The following ZFPM2 variants were observed in gnomAD, a reference collection of about 807,000 sequenced individuals.
The protein encoded by ZFPM2 is zinc finger protein ZFPM2.
ZFPM2 carries 20 observed loss-of-function variants against 98.6 expected under a neutral mutation model. That is an observed-to-expected ratio of 0.20 (90% CI 0.14 to 0.29). ZFPM2 has a LOEUF of 0.29. ZFPM2 is among the 10% of genes least tolerant of loss of function. The pLI, the probability that ZFPM2 is intolerant of heterozygous loss-of-function variation, is 1.00. For missense variants in ZFPM2, 1,310 were observed against 1,388.6 expected (o/e 0.94, Z 0.90); for synonymous variants, 518 against 502.7 (o/e 1.03, Z -0.41).
intron 4 of ZFPM2, among the ~76,000 whole-genome samples, chr8:105,599,196 C>T (rs1816038214): frequency 6.6e-6 from 1 of 151,812 alleles, no homozygotes; most frequent in East Asian, 1.9e-4. Flanking sequence ...TTTAGTATTC[C>T]CACTTCTGTT....
At chr8:105,601,184 G>A (rs1816084200) in intron 4 of ZFPM2, among the ~76,000 whole-genome samples, 2 of 152,094 alleles carry the variant, frequency 1.3e-5, no homozygotes, top group Admixed American at 6.6e-5. Flanking sequence ...GCAAGGCTTA[G>A]GATAATAGCC....
intron 5 of ZFPM2, among the ~76,000 whole-genome samples, chr8:105,757,961 C>A (rs1284137334): frequency 6.6e-6 from 1 of 152,068 alleles, no homozygotes; most frequent in African/African-American, 2.4e-5. Flanking sequence ...CATGAAACTC[C>A]AAAGATGAAT....
intron 5 of ZFPM2, among the ~76,000 whole-genome samples, chr8:105,783,842 T>A (rs1813334895): frequency 6.6e-6 from 1 of 152,156 alleles, no homozygotes; most frequent in South Asian, 2.1e-4. Flanking sequence ...CATGCCACTA[T>A]GAGCCTGGCT....
intron 3 of ZFPM2, among the ~76,000 whole-genome samples, chr8:105,447,768 AAG>A (rs1041640182): frequency 3.3e-5 from 5 of 151,978 alleles, no homozygotes; most frequent in Admixed American, 2.6e-4. Context: ...CTTTTTTTAA[AAG>A]AGTTTGATTG....
chr8:105,779,382 G>T (rs1813190403), intron 5 of ZFPM2, among the ~76,000 whole-genome samples: 3 of 152,088 alleles, frequency 2.0e-5, no homozygotes, highest in Admixed American at 2.0e-4. Flanking sequence ...CTTATTTTTA[G>T]AAAGCAAGCG....
intron 4 of ZFPM2, among the ~76,000 whole-genome samples, chr8:105,623,077 G>T (rs1038226744): frequency 1.3e-5 from 2 of 152,042 alleles, no homozygotes; most frequent in African/African-American, 4.8e-5. Flanking sequence ...TAATATTTCT[G>T]TTACTAAAAT....
At chr8:105,345,416 C>G (rs1203275274) in intron 1 of ZFPM2, among the ~76,000 whole-genome samples, 1 of 123,918 alleles carries the variant, frequency 8.1e-6, no homozygotes, top group Non-Finnish European at 1.7e-5. Context: ...CTAGCTTATT[C>G]GTGATGTTCT....
intron 6 of ZFPM2, among the ~76,000 whole-genome samples, chr8:105,789,693 T>TC (rs1325240364): frequency 6.6e-6 from 1 of 152,086 alleles, no homozygotes; most frequent in Admixed American, 6.6e-5. Context: ...TAGTTTACAG[T>TC]CCCCCCAACA....
intron 3 of ZFPM2, among the ~76,000 whole-genome samples, chr8:105,477,232 G>A (rs978319180): frequency 7.1e-6 from 1 of 140,654 alleles, no homozygotes; most frequent in Non-Finnish European, 1.5e-5. Flanking sequence ...CTTTCTGCTA[G>A]CAATCTTTTT....
intron 4 of ZFPM2, among the ~76,000 whole-genome samples, chr8:105,581,514 C>T (rs529976199): frequency 7.9e-5 from 12 of 152,136 alleles, no homozygotes; most frequent in East Asian, 3.9e-4. Flanking sequence ...CTGCAAATAG[C>T]GAATGCATTT....
intron 5 of ZFPM2, among the ~76,000 whole-genome samples, chr8:105,715,519 G>T (rs1333094363): frequency 6.6e-6 from 1 of 150,880 alleles, no homozygotes; most frequent in Non-Finnish European, 1.5e-5. Flanking sequence ...TTATTATTAT[G>T]TATAAATTAT....
At chr8:105,754,738 C>G (rs2131059932) in intron 5 of ZFPM2, among the ~76,000 whole-genome samples, 1 of 150,606 alleles carries the variant, frequency 6.6e-6, no homozygotes, top group Non-Finnish European at 1.5e-5. Context: ...CCCTTTTTAA[C>G]ACAGATATGT....
intron 5 of ZFPM2, among the ~76,000 whole-genome samples, chr8:105,647,010 C>T (rs1355693467): frequency 2.6e-5 from 4 of 152,130 alleles, no homozygotes; most frequent in African/African-American, 7.2e-5. Context: ...GAAACAGCTT[C>T]GTCCTCAGAA....
At chr8:105,393,337 C>CTGTCTGTCTGTCTTTCTTT (rs1554600680) in intron 1 of ZFPM2, among the ~76,000 whole-genome samples, 24 of 114,848 alleles carry the variant, frequency 2.1e-4, no homozygotes, top group African/African-American at 7.6e-4. Context: ...TCTCTCTTTG[C>CTGTCTGTCTGTCTTTCTTT]CTTTCTTTCT....
intron 2 of ZFPM2, among the ~76,000 whole-genome samples, chr8:105,428,177 A>G (rs1375264233): frequency 6.6e-6 from 1 of 152,250 alleles, no homozygotes; most frequent in Non-Finnish European, 1.5e-5. Flanking sequence ...AAGGTTAGAT[A>G]TATGAAGTAT....
intron 4 of ZFPM2, among the ~76,000 whole-genome samples, chr8:105,633,076 G>T (rs930161598): frequency 2.6e-5 from 4 of 152,132 alleles, no homozygotes; most frequent in African/African-American, 4.8e-5. Flanking sequence ...TGTTTTATGT[G>T]CTATCATTGT....
Position 105,803,459 on chromosome 8 carries a change from TC to T in ZFPM2, c.3379del (p.Gln1127SerfsTer9). ...TSGKYCRLCD[I>X]QFNNLSNFIT... ...GGGAAATATTGCCGGCTATGTGATA[TC>T]CAGTTCAACAACCTTTCAAACTTTA... On this transcript the variant is annotated frameshift_variant, in exon 8 of 8. Transcript: ENST00000407775. LOFTEE classifies it high-confidence loss of function. 1 of 1,613,742 alleles carries T rather than the reference TC, an allele frequency of 6.2e-7. No homozygotes were observed. Among genetic ancestry groups the T allele is most frequent in the South Asian group, 1.1e-5 (1 of 91,032 alleles).
chr8:105,455,610 C>T (rs1812573578), intron 3 of ZFPM2, among the ~76,000 whole-genome samples: 1 of 152,146 alleles, frequency 6.6e-6, no homozygotes, highest in African/African-American at 2.4e-5. Context: ...AAAGAAACGA[C>T]TCTGATGACT....
At position 105,641,760 on chromosome 8, in the gene ZFPM2, C is replaced by A. The variant is rs370494630; in HGVS notation, c.532+7403C>A. Among the ~76,000 whole-genome samples the A allele has an allele frequency of 9.2e-5, 14 of 152,170 alleles. No homozygotes were observed. In the East Asian group the frequency reaches 2.5e-3, roughly 27 times the overall value. On this transcript the variant is annotated intron_variant, in intron 5 of 7. Coordinates refer to ENST00000407775, the MANE Select transcript of ZFPM2 (RefSeq NM_012082.4). ...TATATGCTATATGATGTGAAAAATA[C>A]ATTTGTTTTTATATCAGCATCACTG...
Sources: gnomAD v4.1 joint callset for allele counts (sites outside exome capture counted in the v4.1 genomes callset) on GRCh38, gnomAD v4.1.1 for gene constraint, MANE v1.5 for transcripts, NCBI Gene and HGNC (gene_info 2026-07-23, HGNC 2026-07-21) for gene names.